PSD3: variants seen among roughly 807,000 people sequenced by gnomAD.
PSD3 encodes PH and SEC7 domain-containing protein 3.
A neutral mutation model predicts 105.5 loss-of-function variants in PSD3; 49 were observed. That is an observed-to-expected ratio of 0.46 (90% CI 0.37 to 0.59). The LOEUF (loss-of-function observed/expected upper bound fraction) is 0.59. PSD3 is among the 20% of genes least tolerant of loss of function. The pLI, the probability that PSD3 is intolerant of heterozygous loss-of-function variation, is 0.00. For missense variants in PSD3, 1,561 were observed against 1,263.8 expected (o/e 1.24, Z -3.57); for synonymous variants, 557 against 457.8 (o/e 1.22, Z -2.77).
Position 18,873,443 on chromosome 8 carries a change from T to C in PSD3, c.131-710A>G, listed in dbSNP as rs555518044. Reference sequence around the variant, plus strand: ...AAAAGTTTGTTTATATATCTAGATATATGTTTACATATATAAAGTTTATAT... The same window carrying C: ...AAAAGTTTGTTTATATATCTAGATACATGTTTACATATATAAAGTTTATAT... On this transcript the variant is annotated intron_variant, in intron 2 of 15. Transcript: ENST00000327040. Among the ~76,000 whole-genome samples, 7 of 150,266 alleles carry C rather than the reference T, an allele frequency of 4.7e-5. No homozygotes were observed. The East Asian group carries it at 1.2e-3, about 26-fold the overall frequency.
At chr8:19,079,757 G>C (rs1225146759) in intron 1 of PSD3, among the ~76,000 whole-genome samples, 1 of 152,162 alleles carries the variant, frequency 6.6e-6, no homozygotes, top group Non-Finnish European at 1.5e-5. Flanking sequence ...TTTCATACCT[G>C]AATGTCTTGC....
chr8:18,840,348 G>C (rs1310853700), intron 4 of PSD3, among the ~76,000 whole-genome samples: 3 of 152,170 alleles, frequency 2.0e-5, no homozygotes, highest in Non-Finnish European at 2.9e-5. Context: ...TGACCTGAAG[G>C]GGGTTGGTAG....
chr8:18,763,977 G>A (rs1017887532), intron 9 of PSD3, among the ~76,000 whole-genome samples: 1 of 152,106 alleles, frequency 6.6e-6, no homozygotes, highest in Non-Finnish European at 1.5e-5. Flanking sequence ...GCAAATTCTT[G>A]GTAGAGGAAG....
rs930592932 is a variant in PSD3, at chr8:18,762,977, G to A, written c.2172+2472C>T. 8.8e-6 allele frequency: 11 copies of A among 1,242,960 alleles called. No homozygotes were observed. The Admixed American group carries it at 2.5e-4, about 29-fold the overall frequency. 77.0% of individuals were successfully genotyped at this position (1,242,960 alleles called of 1,614,324 possible). On this transcript the variant is annotated intron_variant, in intron 9 of 15. Transcript: ENST00000327040. ...TATTTCTCAGTAGTCTGTGATCTCT[G>A]AGGACAGGTGCCCATTTGGTTTCAG...
chr8:19,000,253 C>T (rs1407194063), intron 1 of PSD3, among the ~76,000 whole-genome samples: 2 of 151,360 alleles, frequency 1.3e-5, no homozygotes, highest in South Asian at 2.1e-4. Context: ...AAAAATTAGC[C>T]AGGCATGTTA....
At chr8:18,818,356 T>C (rs900231785) in intron 4 of PSD3, among the ~76,000 whole-genome samples, 40 of 150,966 alleles carry the variant, frequency 2.6e-4, no homozygotes, top group Admixed American at 2.3e-3. Flanking sequence ...GGGAGCTACT[T>C]TTTTTTTTTA....
chr8:18,976,797 T>C (rs143856455), intron 1 of PSD3, among the ~76,000 whole-genome samples: 2 of 152,324 alleles, frequency 1.3e-5, no homozygotes, highest in African/African-American at 2.4e-5. Context: ...ACCATTAGTA[T>C]GACAATATTG....
intron 9 of PSD3, among the ~76,000 whole-genome samples, chr8:18,668,064 C>T (rs920166040): frequency 6.6e-6 from 1 of 152,194 alleles, no homozygotes; most frequent in Non-Finnish European, 1.5e-5. Flanking sequence ...CCAGGCCTCT[C>T]CCTGCACACC....
chr8:18,747,648 T>C (rs776969687), intron 9 of PSD3, among the ~76,000 whole-genome samples: 7 of 152,138 alleles, frequency 4.6e-5, no homozygotes, highest in Non-Finnish European at 8.8e-5. Flanking sequence ...AGATTATGGC[T>C]GGATAGTGAC....
chr8:18,762,681 G>T (rs1806640334), intron 9 of PSD3, among the ~76,000 whole-genome samples: 1 of 152,132 alleles, frequency 6.6e-6, no homozygotes, highest in African/African-American at 2.4e-5. Context: ...AGCTGCAATG[G>T]AATTTTAAAC....
intron 8 of PSD3, among the ~76,000 whole-genome samples, chr8:18,775,745 T>C (rs1807998258): frequency 6.6e-6 from 1 of 152,230 alleles, no homozygotes; most frequent in Non-Finnish European, 1.5e-5. Context: ...TTCAAATGGA[T>C]AGCTCAAAAA....
At chr8:18,786,222 T>A (rs1022703735) in intron 8 of PSD3, among the ~76,000 whole-genome samples, 1 of 152,080 alleles carries the variant, frequency 6.6e-6, no homozygotes, top group African/African-American at 2.4e-5. Flanking sequence ...AGTTTTCCAA[T>A]TTAAACTTGA....
At chr8:19,021,596 A>T (rs532746297) in intron 1 of PSD3, among the ~76,000 whole-genome samples, 130 of 151,902 alleles carry the variant, frequency 8.6e-4, no homozygotes, top group African/African-American at 2.8e-3. Flanking sequence ...GGAATTGTAA[A>T]GAGAAAATCT....
At chr8:18,714,694 G>A (rs1282244073) in intron 9 of PSD3, among the ~76,000 whole-genome samples, 2 of 152,134 alleles carry the variant, frequency 1.3e-5, no homozygotes, top group African/African-American at 4.8e-5. Context: ...AATGTAAGTT[G>A]GTTCAACCAT....
At chr8:18,866,902 A>G (rs1266356299) in intron 4 of PSD3, among the ~76,000 whole-genome samples, 1 of 151,952 alleles carries the variant, frequency 6.6e-6, no homozygotes, top group African/African-American at 2.4e-5. Flanking sequence ...ATACACACAC[A>G]CACACACACA....
chr8:18,775,840 C>T (rs1471912082), intron 8 of PSD3, among the ~76,000 whole-genome samples: 2 of 152,094 alleles, frequency 1.3e-5, no homozygotes, highest in South Asian at 4.2e-4. Flanking sequence ...TGATGGGACA[C>T]CACATCTAAA....
chr8:18,950,628 T>TAA (rs1342008608), intron 1 of PSD3, among the ~76,000 whole-genome samples: 1 of 152,166 alleles, frequency 6.6e-6, no homozygotes, highest in Non-Finnish European at 1.5e-5. Flanking sequence ...GAACATGCAG[T>TAA]ATTTGCCCTT....
At chr8:18,752,645 A>T (rs1447992391) in intron 9 of PSD3, among the ~76,000 whole-genome samples, 1 of 104,852 alleles carries the variant, frequency 9.5e-6, no homozygotes, top group African/African-American at 4.0e-5. Flanking sequence ...TATATATAAT[A>T]TATATAATAT....
intron 4 of PSD3, chr8:18,808,984 T>C: frequency 7.4e-7 from 1 of 1,351,078 alleles, no homozygotes; most frequent in Non-Finnish European, 9.7e-7. Flanking sequence ...GCAGTTCTAA[T>C]AAAAACAGCA....
Sources: gnomAD v4.1 joint callset for allele counts (sites outside exome capture counted in the v4.1 genomes callset) on GRCh38, gnomAD v4.1.1 for gene constraint, MANE v1.5 for transcripts, NCBI Gene and HGNC (gene_info 2026-07-23, HGNC 2026-07-21) for gene names.